Variants in HS6ST3 observed in about 807,000 individuals in gnomAD.
HS6ST3 encodes heparan-sulfate 6-O-sulfotransferase 3.
A neutral mutation model predicts 36.7 loss-of-function variants in HS6ST3; 12 were observed. The ratio of observed to expected loss-of-function variants is 0.33; its 90% CI spans 0.21 to 0.53. The LOEUF (loss-of-function observed/expected upper bound fraction) is 0.53, where lower values mean the gene tolerates loss of function less well. HS6ST3 is among the 20% of genes least tolerant of loss of function. The pLI, the probability that HS6ST3 is intolerant of heterozygous loss-of-function variation, is 0.95. For missense variants in HS6ST3, 584 were observed against 640.9 expected (o/e 0.91, Z 0.96); for synonymous variants, 240 against 257.5 (o/e 0.93, Z 0.65).
intron 1 of HS6ST3, among the ~76,000 whole-genome samples, chr13:96,552,282 G>A (rs1019594804): frequency 4.9e-4 from 75 of 152,182 alleles, no homozygotes; most frequent in East Asian, 1.9e-4. Flanking sequence ...CCTGACCACC[G>A]CCTCATAGGA....
intron 1 of HS6ST3, among the ~76,000 whole-genome samples, chr13:96,586,302 C>CTT (rs879891056): frequency 6.8e-6 from 1 of 146,654 alleles, no homozygotes; most frequent in African/African-American, 2.5e-5. Context: ...ATTTCAATGT[C>CTT]TTTTTTTTTT....
Position 96,415,612 on chromosome 13 carries a change from A to G in HS6ST3, c.707+324043A>G, listed in dbSNP as rs1027162777. 3.9e-5 allele frequency among the ~76,000 whole-genome samples: 6 copies of G among 152,214 alleles called. No homozygotes were observed. In the East Asian group the frequency reaches 1.2e-3, roughly 29 times the overall value. ...TAGCTGTCTAGATGTGCACAGTGGC[A>G]TGGAAGACCTTTGATTGGCTTTAGA... On this transcript the variant is annotated intron_variant, in intron 1 of 1. Transcript: ENST00000376705.
chr13:96,117,691 A>G (rs1326577587), intron 1 of HS6ST3, among the ~76,000 whole-genome samples: 1 of 152,200 alleles, frequency 6.6e-6, no homozygotes, highest in Non-Finnish European at 1.5e-5. Flanking sequence ...GTGAAGCTTT[A>G]TGTTAGTTGT....
At chr13:96,549,710 G>A (rs972441859) in intron 1 of HS6ST3, among the ~76,000 whole-genome samples, 1 of 152,084 alleles carries the variant, frequency 6.6e-6, no homozygotes, top group Non-Finnish European at 1.5e-5. Flanking sequence ...GAACAATTCT[G>A]ATTGTGTCTG....
At chr13:96,822,306 G>A (rs9554365) in intron 1 of HS6ST3, among the ~76,000 whole-genome samples, 39,123 of 152,094 alleles carry the variant, frequency 0.26, 5,272 homozygotes, top group East Asian at 0.43. Context: ...GCAGCGCAAA[G>A]CAGGGCGCCT....
intron 1 of HS6ST3, among the ~76,000 whole-genome samples, chr13:96,422,197 C>T (rs560693261): frequency 9.2e-5 from 14 of 152,306 alleles, no homozygotes; most frequent in African/African-American, 3.1e-4. Context: ...CTTAGCACAT[C>T]GCATTGCAAA....
At chr13:96,271,691 G>C (rs894597327) in intron 1 of HS6ST3, among the ~76,000 whole-genome samples, 1 of 151,990 alleles carries the variant, frequency 6.6e-6, no homozygotes, top group South Asian at 2.1e-4. Context: ...AATTTACGCA[G>C]AAGCTGTCTG....
chr13:96,717,810 C>T (rs1875740521), intron 1 of HS6ST3, among the ~76,000 whole-genome samples: 1 of 152,150 alleles, frequency 6.6e-6, no homozygotes. Flanking sequence ...AAGGGAATTC[C>T]GCACAAGGAT....
intron 1 of HS6ST3, among the ~76,000 whole-genome samples, chr13:96,228,229 T>C (rs982067467): frequency 6.6e-6 from 1 of 152,308 alleles, no homozygotes; most frequent in South Asian, 2.1e-4. Context: ...GCTATCAAAA[T>C]TTGACATTTC....
At chr13:96,159,169 G>A (rs1191057288) in intron 1 of HS6ST3, among the ~76,000 whole-genome samples, 1 of 152,108 alleles carries the variant, frequency 6.6e-6, no homozygotes, top group Non-Finnish European at 1.5e-5. Context: ...GAGCAGGAAT[G>A]GGAGGGCAAG....
At chr13:96,384,153 A>G (rs1249191909) in intron 1 of HS6ST3, among the ~76,000 whole-genome samples, 1 of 152,160 alleles carries the variant, frequency 6.6e-6, no homozygotes, top group Admixed American at 6.5e-5. Context: ...TGACGGAGCC[A>G]TGGGTGGGTT....
chr13:96,520,772 T>C (rs1201991147), intron 1 of HS6ST3, among the ~76,000 whole-genome samples: 2 of 152,220 alleles, frequency 1.3e-5, no homozygotes, highest in Non-Finnish European at 2.9e-5. Flanking sequence ...TTTCTAAATA[T>C]ACAATCATAT....
At chr13:96,385,827 G>A (rs1277908966) in intron 1 of HS6ST3, among the ~76,000 whole-genome samples, 3 of 152,126 alleles carry the variant, frequency 2.0e-5, no homozygotes, top group Non-Finnish European at 2.9e-5. Flanking sequence ...TCATTAAGGT[G>A]TGCATTAAGT....
intron 1 of HS6ST3, among the ~76,000 whole-genome samples, chr13:96,429,023 G>T (rs780453835): frequency 2.0e-5 from 3 of 152,208 alleles, no homozygotes; most frequent in Non-Finnish European, 4.4e-5. Context: ...GTGCTATGGT[G>T]ATGTTGCAAG....
chr13:96,474,577 G>A (rs1335829121), intron 1 of HS6ST3, among the ~76,000 whole-genome samples: 1 of 150,372 alleles, frequency 6.7e-6, no homozygotes, highest in Non-Finnish European at 1.5e-5. Flanking sequence ...ACAAAATATA[G>A]CATTTGCTAT....
At chr13:96,324,418 G>C (rs184335850) in intron 1 of HS6ST3, among the ~76,000 whole-genome samples, 1 of 152,124 alleles carries the variant, frequency 6.6e-6, no homozygotes, top group African/African-American at 2.4e-5. Context: ...TGCTGTTAGG[G>C]CAGATAAGAG....
chr13:96,305,933 CT>C (rs1297192889), intron 1 of HS6ST3, among the ~76,000 whole-genome samples: 28 of 136,380 alleles, frequency 2.1e-4, no homozygotes, highest in South Asian at 2.3e-4. Flanking sequence ...TCTTTCTTTC[CT>C]TTTTTTTTTA....
intron 1 of HS6ST3, among the ~76,000 whole-genome samples, chr13:96,810,308 G>A (rs1284845326): frequency 6.6e-6 from 1 of 152,136 alleles, no homozygotes; most frequent in Non-Finnish European, 1.5e-5. Context: ...CTTCAGAAAG[G>A]GAGGGAGATG....
chr13:96,332,003 G>C (rs1432904261), intron 1 of HS6ST3, among the ~76,000 whole-genome samples: 1 of 152,186 alleles, frequency 6.6e-6, no homozygotes, highest in South Asian at 2.1e-4. Flanking sequence ...GACCCCTTGC[G>C]CTTCCCAAGT....
Sources: gnomAD v4.1 joint callset for allele counts (sites outside exome capture counted in the v4.1 genomes callset) on GRCh38, gnomAD v4.1.1 for gene constraint, MANE v1.5 for transcripts, NCBI Gene and HGNC (gene_info 2026-07-23, HGNC 2026-07-21) for gene names.